MYO1D: variants seen among roughly 807,000 people sequenced by gnomAD.
The protein encoded by MYO1D is myosin ID.
In MYO1D, 83 loss-of-function variants were observed where a neutral mutation model predicts 122.0. That is an observed-to-expected ratio of 0.68 (90% CI 0.57 to 0.82). MYO1D has a LOEUF of 0.82. MYO1D is among the 40% of genes least tolerant of loss of function. The probability of loss-of-function intolerance (pLI) is 0.00; values close to 1 mark genes in which losing one functional copy is unlikely to be tolerated. For missense variants in MYO1D, 1,157 were observed against 1,269.5 expected (o/e 0.91, Z 1.35); for synonymous variants, 464 against 446.9 (o/e 1.04, Z -0.48).
intron 6 of MYO1D, among the ~76,000 whole-genome samples, chr17:32,769,816 A>G (rs2090095968): frequency 1.3e-5 from 2 of 151,846 alleles, no homozygotes; most frequent in South Asian, 4.2e-4. Context: ...TGGGGAAAGC[A>G]GACATGGAAA....
chr17:32,609,876 C>G (rs533131703), intron 20 of MYO1D, among the ~76,000 whole-genome samples: 10 of 152,072 alleles, frequency 6.6e-5, no homozygotes, highest in Non-Finnish European at 1.3e-4. Flanking sequence ...AACTCTCTGC[C>G]ACTTACATGT....
rs746758480 is a variant in MYO1D at position 32,771,131 on chromosome 17, T to A, written c.708A>T (p.Gln236His). 1 of 1,596,838 alleles carries A rather than the reference T, an allele frequency of 6.3e-7. No individual in the cohort carries two copies. Among genetic ancestry groups the A allele is most frequent in the Non-Finnish European group, 8.6e-7 (1 of 1,164,846 alleles). The change falls in exon 6 of 22, where the codon CAA (glutamine) becomes CAT (histidine). Residue 236 changes from glutamine to histidine, a missense_variant. Gln to His is a conservative substitution (Grantham distance 24). Transcript: ENST00000318217. Reference sequence around the variant, plus strand: ...TCAAAGAGGAAATTCTCACCTTTAATTGAGCTCCCACATGAATATAGTTGT... The same window carrying A: ...TCAAAGAGGAAATTCTCACCTTTAAATGAGCTCCCACATGAATATAGTTGT... ...SSYNYIHVGA[Q>H]LKSSINDAAE...
In MYO1D at chr17:32,549,124, G is replaced by T. The variant is rs569173380; in HGVS notation, c.2865-54209C>A. Among the ~76,000 whole-genome samples, 31 of 152,084 alleles carry T rather than the reference G, an allele frequency of 2.0e-4. 1 individual carries two copies. In the East Asian group the frequency reaches 3.3e-3, roughly 16 times the overall value. ...GTTTGTTTGTTTGAGACAGGGTCTT[G>T]TTCTGTTGTCCAGGCTGGAGTTCAG... On this transcript the variant is annotated intron_variant, in intron 21 of 21. Coordinates refer to ENST00000318217, the MANE Select transcript of MYO1D (RefSeq NM_015194.3).
intron 16 of MYO1D, among the ~76,000 whole-genome samples, chr17:32,676,351 A>ATTT (rs376940405): frequency 7.6e-6 from 1 of 132,438 alleles, no homozygotes; most frequent in African/African-American, 2.8e-5. Flanking sequence ...TTGTTTCTCT[A>ATTT]TTTTTTTTTT....
At chr17:32,621,340 C>A (rs949293546) in intron 20 of MYO1D, among the ~76,000 whole-genome samples, 13 of 152,024 alleles carry the variant, frequency 8.6e-5, no homozygotes, top group African/African-American at 3.1e-4. Context: ...TTCATGCTCA[C>A]CTTTGCTTTT....
At chr17:32,576,794 C>T (rs987776622) in intron 21 of MYO1D, among the ~76,000 whole-genome samples, 2 of 152,192 alleles carry the variant, frequency 1.3e-5, no homozygotes, top group Admixed American at 6.5e-5. Context: ...GTAGCTAGGA[C>T]TACAGGCACA....
At chr17:32,812,223 A>G (rs2090578272) in intron 1 of MYO1D, among the ~76,000 whole-genome samples, 1 of 152,260 alleles carries the variant, frequency 6.6e-6, no homozygotes, top group African/African-American at 2.4e-5. Flanking sequence ...CAGAAATTCA[A>G]GAATTGGTAC....
chr17:32,780,059 T>C (rs1042092330), intron 2 of MYO1D, among the ~76,000 whole-genome samples: 1 of 152,082 alleles, frequency 6.6e-6, no homozygotes, highest in Non-Finnish European at 1.5e-5. Context: ...TCCTCAAACA[T>C]GTGAGGTGTG....
At chr17:32,495,456 T>C (rs8070040) in intron 21 of MYO1D, 92,943 of 152,408 alleles carry the variant, frequency 0.61, 29,168 homozygotes, top group Middle Eastern at 0.68. Context: ...CCCTGGAGGC[T>C]GCAGAACAGT....
At position 32,517,744 on chromosome 17, in the gene MYO1D, T is replaced by G. The variant is rs142201008; in HGVS notation, c.2865-22829A>C. ...GCCTGGGAACTGGCCTAGCACATGA[T>G]AGGATTCCCCTTACATACAATTTAA... On this transcript the variant is annotated intron_variant, in intron 21 of 21. Coordinates refer to ENST00000318217, the MANE Select transcript of MYO1D (RefSeq NM_015194.3). 3.3e-5 allele frequency among the ~76,000 whole-genome samples: 5 copies of G among 152,364 alleles called. No homozygotes were observed. In the East Asian group the frequency reaches 9.6e-4, roughly 29 times the overall value.
intron 21 of MYO1D, chr17:32,504,787 G>A (rs938479331): frequency 2.6e-5 from 4 of 152,282 alleles, no homozygotes; most frequent in African/African-American, 7.2e-5. Flanking sequence ...GCAGACAGCT[G>A]AGTCTTCACA....
chr17:32,836,094 T>C (rs2090819714), intron 1 of MYO1D, among the ~76,000 whole-genome samples: 1 of 152,226 alleles, frequency 6.6e-6, no homozygotes, highest in Admixed American at 6.5e-5. Flanking sequence ...AGTATTTTAA[T>C]GCAAAGGGGG....
chr17:32,658,096 T>G (rs759122079), intron 17 of MYO1D, among the ~76,000 whole-genome samples: 2 of 152,220 alleles, frequency 1.3e-5, no homozygotes, highest in African/African-American at 4.8e-5. Flanking sequence ...GGTACTTTTG[T>G]TTTCAATAAT....
At position 32,568,186 on chromosome 17, in the gene MYO1D, C is replaced by CAAAAAAAAAAAAAA. The variant is rs386385913; in HGVS notation, c.2864+36887_2864+36900dup. 1.6e-5 allele frequency among the ~76,000 whole-genome samples: 2 copies of CAAAAAAAAAAAAAA among 124,352 alleles called. 1 individual carries two copies. The highest frequency in any genetic ancestry group is 5.8e-5 in the African/African-American group (2 of 34,410). The allele number at this position is 124,352 out of a possible 152,430, so 81.6% of individuals were successfully genotyped here. ...TCCTCTTTATCTTTCTGCGTTATTACAAAAAAAAAAAAAAAAGGCTGGTGT... is the reference window on the plus strand; with the variant it reads ...TCCTCTTTATCTTTCTGCGTTATTACAAAAAAAAAAAAAAAAAAAAAAAAAAAAAAGGCTGGTGT... On this transcript the variant is annotated intron_variant, in intron 21 of 21. Coordinates refer to ENST00000318217, the MANE Select transcript of MYO1D (RefSeq NM_015194.3).
intron 16 of MYO1D, among the ~76,000 whole-genome samples, chr17:32,690,476 A>G (rs1478354302): frequency 1.3e-5 from 2 of 152,020 alleles, no homozygotes; most frequent in African/African-American, 2.4e-5. Context: ...CACCTGACCG[A>G]GTGTTTATCA....
At chr17:32,555,753 C>T (rs1044147164) in intron 21 of MYO1D, among the ~76,000 whole-genome samples, 4 of 152,206 alleles carry the variant, frequency 2.6e-5, no homozygotes, top group African/African-American at 4.8e-5. Flanking sequence ...CCTCACACCA[C>T]GTGCAAAGCC....
chr17:32,675,349 GT>G (rs1386221251), intron 16 of MYO1D, among the ~76,000 whole-genome samples: 1 of 152,062 alleles, frequency 6.6e-6, no homozygotes, highest in Non-Finnish European at 1.5e-5. Flanking sequence ...AATTAATCAT[GT>G]TACATTCAAC....
chr17:32,504,297 C>T (rs1003084010), intron 21 of MYO1D, among the ~76,000 whole-genome samples: 30 of 152,336 alleles, frequency 2.0e-4, no homozygotes, highest in Admixed American at 1.6e-3. Flanking sequence ...GGCTGCCCCT[C>T]CCCCATGGCA....
intron 16 of MYO1D, among the ~76,000 whole-genome samples, chr17:32,700,473 G>C (rs1322805193): frequency 6.6e-6 from 1 of 152,172 alleles, no homozygotes; most frequent in Non-Finnish European, 1.5e-5. Flanking sequence ...CCCTGCTACA[G>C]ATACAGCAGA....
Sources: gnomAD v4.1 joint callset for allele counts (sites outside exome capture counted in the v4.1 genomes callset) on GRCh38, gnomAD v4.1.1 for gene constraint, MANE v1.5 for transcripts, NCBI Gene and HGNC (gene_info 2026-07-23, HGNC 2026-07-21) for gene names.